The following ADAM20 variants were observed in gnomAD, a reference collection of about 807,000 sequenced individuals.
The protein encoded by ADAM20 is disintegrin and metalloproteinase domain-containing protein 20.
For missense variants in ADAM20, 871 were observed against 883.2 expected, an observed-to-expected ratio of 0.99 and a Z score of 0.18; for synonymous variants, 305 against 310.2, an observed-to-expected ratio of 0.98 and a Z score of 0.18.
At position 70,534,847 on chromosome 14, in the gene ADAM20, T is replaced by C. The variant is rs1280228353; in HGVS notation, c.-227A>G. 1 of 152,204 alleles carries C rather than the reference T, an allele frequency of 6.6e-6. No homozygotes were observed. The highest frequency in any genetic ancestry group is 2.1e-4 in the South Asian group (1 of 4,830). The allele number at this position is 152,204 out of a possible 1,614,324, so 9.4% of individuals were successfully genotyped here. A position where few individuals can be genotyped will look rare whatever the true frequency, so the allele number is the denominator to read the frequency against. ...TTATATTTTCAGTCCTCTAATAACT[T>C]TTTAAATTTTTCCTATATTAATTTT... On this transcript the variant is annotated 5_prime_UTR_variant, in exon 1 of 2. Transcript: ENST00000256389.
In ADAM20 at chr14:70,524,676, G is replaced by A. The variant is rs756719590; in HGVS notation, c.82C>T (p.His28Tyr). 1 of 1,613,986 alleles carries A rather than the reference G, an allele frequency of 6.2e-7. No homozygotes were observed. The change falls in exon 2 of 2, where the codon CAC becomes TAC. Residue 28 changes from histidine (H) to tyrosine (Y), a missense_variant. By Grantham distance (83) the His-to-Tyr change is moderately conservative. Coordinates refer to ENST00000256389, the MANE Select transcript of ADAM20 (RefSeq NM_003814.5). Reference sequence around the variant, plus strand: ...TACTGGGAGGGCCTGGCCTGAGAGTGGCCAGAAATAGACAAAAACATCCCA... The same window carrying A: ...TACTGGGAGGGCCTGGCCTGAGAGTAGCCAGAAATAGACAAAAACATCCCA... ...WFGMFLSISG[H>Y]SQARPSQYFT... is the part of the protein sequence containing the mutation.
upstream of ADAM20, among the ~76,000 whole-genome samples, chr14:70,538,508 C>G (rs918524546): frequency 6.6e-6 from 1 of 152,168 alleles, no homozygotes; most frequent in Non-Finnish European, 1.5e-5. Context: ...TTATGTTTTT[C>G]TCTTCATAAA....
At chr14:70,561,119 C>T in the ADAM20 span, among the ~76,000 whole-genome samples, 1 of 152,146 alleles carries the variant, frequency 6.6e-6, no homozygotes, top group African/African-American at 2.4e-5. Context: ...ACTATGAAGT[C>T]CAGGCTGAGG....
the ADAM20 span, among the ~76,000 whole-genome samples, chr14:70,578,306 T>C: frequency 7.2e-5 from 11 of 152,022 alleles, no homozygotes; most frequent in Non-Finnish European, 1.3e-4. Context: ...AAGAATGAAA[T>C]TGGGCCTCTA....
chr14:70,553,708 G>A, the ADAM20 span, among the ~76,000 whole-genome samples: 1 of 151,336 alleles, frequency 6.6e-6, no homozygotes, highest in African/African-American at 2.4e-5. Flanking sequence ...CATTTCAACT[G>A]ATGCTGAAAA....
upstream of ADAM20, among the ~76,000 whole-genome samples, chr14:70,536,725 T>A (rs1334486468): frequency 6.6e-6 from 1 of 151,844 alleles, no homozygotes; most frequent in East Asian, 1.9e-4. Context: ...ATTCCAACCA[T>A]AAGATAAACC....
At chr14:70,535,350 G>A (rs760304533), upstream of ADAM20, among the ~76,000 whole-genome samples, 21 of 152,142 alleles carry the variant, frequency 1.4e-4, no homozygotes, top group Non-Finnish European at 2.8e-4. Context: ...TGAAATGCTT[G>A]CAGAGTGACA....
chr14:70,546,799 A>G, the ADAM20 span, among the ~76,000 whole-genome samples: 7 of 152,228 alleles, frequency 4.6e-5, no homozygotes, highest in African/African-American at 1.4e-4. Context: ...AGAAAAAATA[A>G]CAAAGATCAG....
Position 70,522,705 on chromosome 14 carries a change from A to G in ADAM20, c.2053T>C (p.Leu685=), listed in dbSNP as rs1268953521. The change falls in exon 2 of 2, where the codon TTA becomes CTA. Residue 685 remains leucine (L), a synonymous_variant. Coordinates refer to ENST00000256389, the MANE Select transcript of ADAM20 (RefSeq NM_003814.5). ...GPPPKNNMEG[L]NVMGKLRYLS... ...TAACGCAACTTTCCCATCACATTTA[A>G]TCCTTCCATGTTGTTCTTAGGAGGT... 6.2e-7 allele frequency: 1 copy of G among 1,613,932 alleles called. No homozygotes were observed. Among genetic ancestry groups the G allele is most frequent in the African/African-American group, 1.3e-5 (1 of 74,928 alleles).
chr14:70,527,817 G>C (rs925559857), intron 1 of ADAM20, among the ~76,000 whole-genome samples: 8 of 152,086 alleles, frequency 5.3e-5, no homozygotes, highest in African/African-American at 1.9e-4. Context: ...CAAGTGTCAG[G>C]TCAGCCTCTT....
chr14:70,569,818 CAAT>C, the ADAM20 span, among the ~76,000 whole-genome samples: 3 of 122,330 alleles, frequency 2.5e-5, no homozygotes, highest in East Asian at 5.5e-4. Flanking sequence ...CACAGTGAAA[CAAT>C]AATAGTGGGG....
chr14:70,543,705 G>C, the ADAM20 span, among the ~76,000 whole-genome samples: 1 of 152,008 alleles, frequency 6.6e-6, no homozygotes, highest in Non-Finnish European at 1.5e-5. Context: ...CAGGATCATG[G>C]CCATTTCACA....
At chr14:70,574,444 T>A in the ADAM20 span, among the ~76,000 whole-genome samples, 1 of 151,610 alleles carries the variant, frequency 6.6e-6, no homozygotes, top group Non-Finnish European at 1.5e-5. Context: ...ATTGAGACCA[T>A]CCTGGCTAAC....
upstream of ADAM20, among the ~76,000 whole-genome samples, chr14:70,538,105 G>C (rs765426739): frequency 6.6e-6 from 1 of 151,952 alleles, no homozygotes; most frequent in Admixed American, 6.5e-5. Context: ...CCTGCATCAT[G>C]ATGCTCCTCA....
chr14:70,576,824 T>C, the ADAM20 span, among the ~76,000 whole-genome samples: 51 of 152,224 alleles, frequency 3.4e-4, no homozygotes, highest in African/African-American at 1.0e-3. Context: ...CAAAAATAAA[T>C]AGAATGACTT....
chr14:70,543,887 C>G, the ADAM20 span, among the ~76,000 whole-genome samples: 1 of 152,172 alleles, frequency 6.6e-6, no homozygotes, highest in South Asian at 2.1e-4. Context: ...CCATCTTGGA[C>G]AAGCACTGCC....
the ADAM20 span, among the ~76,000 whole-genome samples, chr14:70,575,211 T>C: frequency 6.6e-6 from 1 of 151,290 alleles, no homozygotes; most frequent in South Asian, 2.1e-4. Flanking sequence ...TATATATTTT[T>C]TGAGGCAGAG....
the ADAM20 span, among the ~76,000 whole-genome samples, chr14:70,564,874 C>T: frequency 1.9e-4 from 28 of 149,350 alleles, no homozygotes; most frequent in African/African-American, 6.2e-4. Context: ...CAGCAAGACC[C>T]CTTGTATAAA....
chr14:70,530,790 A>G (rs1883694759), intron 1 of ADAM20, among the ~76,000 whole-genome samples: 1 of 152,164 alleles, frequency 6.6e-6, no homozygotes, highest in Admixed American at 6.5e-5. Context: ...ATCTTGACAT[A>G]AAAATGAAAA....
Sources: allele counts gnomAD v4.1 joint callset (sites outside exome capture counted in the v4.1 genomes callset), GRCh38; gene constraint gnomAD v4.1.1; transcripts MANE v1.5; gene names NCBI Gene and HGNC (gene_info 2026-07-23, HGNC 2026-07-21).